JMJD1C: variants seen among roughly 807,000 people sequenced by gnomAD.
The protein encoded by JMJD1C is jumonji domain-containing protein 1C.
In JMJD1C, 31 loss-of-function variants were observed where a neutral mutation model predicts 245.3. That is an observed-to-expected ratio of 0.13 (90% confidence interval 0.09 to 0.17). The LOEUF is 0.17. Ranked by LOEUF, JMJD1C falls within the 10% of genes least tolerant of loss-of-function variation. The pLI is 1.00. For synonymous variants in JMJD1C, 1,057 were observed against 1,017.4 expected, an observed-to-expected ratio of 1.04 and a Z score of -0.74; for missense variants, 2,691 against 3,000.2, an observed-to-expected ratio of 0.90 and a Z score of 2.41.
chr10:63,513,950 C>T (rs1385270966), intron 1 of JMJD1C, among the ~76,000 whole-genome samples: 2 of 151,440 alleles, frequency 1.3e-5, no homozygotes, highest in Non-Finnish European at 2.9e-5. Flanking sequence ...AAAATAACCC[C>T]ATTTAAAAAT....
chr10:63,261,243 T>C (rs1316005685), intron 3 of JMJD1C, among the ~76,000 whole-genome samples: 1 of 152,112 alleles, frequency 6.6e-6, no homozygotes, highest in East Asian at 1.9e-4. Flanking sequence ...AACTATAATA[T>C]ATAATGATTG....
intron 2 of JMJD1C, among the ~76,000 whole-genome samples, chr10:63,290,842 A>G (rs984877072): frequency 2.0e-5 from 3 of 152,110 alleles, no homozygotes; most frequent in African/African-American, 4.8e-5. Flanking sequence ...CTTCATGAAG[A>G]AAGTAACGAC....
Position 63,207,067 on chromosome 10 carries a change from T to A in JMJD1C, c.4602A>T (p.Gly1534=), listed in dbSNP as rs1846716008. The A allele has an allele frequency of 7.4e-6, 12 of 1,614,228 alleles. No individual in the cohort carries two copies. Among genetic ancestry groups the A allele is most frequent in the Non-Finnish European group, 1.0e-5 (12 of 1,180,034 alleles). Reference sequence around the variant, plus strand: ...GACTTGTCTGGGAAGCTTGCCCATTTCCTACAGAGTTTGCTTTGTTAATTG... The same window carrying A: ...GACTTGTCTGGGAAGCTTGCCCATTACCTACAGAGTTTGCTTTGTTAATTG... ...CSTINKANSV[G]NGQASQTSQP... Residue 1534 remains glycine (G), a synonymous_variant, in exon 10 of 26, where the codon GGA becomes GGT. Transcript: ENST00000399262.
At chr10:63,390,358 A>G (rs1417027342) in intron 1 of JMJD1C, among the ~76,000 whole-genome samples, 1 of 152,142 alleles carries the variant, frequency 6.6e-6, no homozygotes, top group Non-Finnish European at 1.5e-5. Context: ...ACAAACTAAT[A>G]ACAAGTAATG....
chr10:63,176,241 TCAAAAC>T, intron 24 of JMJD1C, 50 bp downstream of exon 24: 2 of 1,371,290 alleles, frequency 1.5e-6, no homozygotes, highest in Admixed American at 2.3e-5. Flanking sequence ...AATTTTTTTT[TCAAAAC>T]TAGTTCTTTC....
chr10:63,338,838 G>GAACCC (rs1160838269), intron 2 of JMJD1C, among the ~76,000 whole-genome samples: 1 of 151,674 alleles, frequency 6.6e-6, no homozygotes, highest in Non-Finnish European at 1.5e-5. Flanking sequence ...AGTAGAGACA[G>GAACCC]GGTTTACTCC....
chr10:63,454,722 C>T (rs1038008973), intron 1 of JMJD1C, among the ~76,000 whole-genome samples: 1 of 152,208 alleles, frequency 6.6e-6, no homozygotes, highest in Non-Finnish European at 1.5e-5. Flanking sequence ...TGAGCTACTG[C>T]ACCTAGCCTG....
chr10:63,406,630 A>AT (rs1465235250), intron 1 of JMJD1C, among the ~76,000 whole-genome samples: 85 of 151,786 alleles, frequency 5.6e-4, no homozygotes, highest in South Asian at 3.1e-3. Flanking sequence ...CCAACACTAG[A>AT]TTTTTTTTTA....
At chr10:63,198,031 C>T (rs1457922669) in intron 12 of JMJD1C, among the ~76,000 whole-genome samples, 1 of 152,218 alleles carries the variant, frequency 6.6e-6, no homozygotes, top group Non-Finnish European at 1.5e-5. Flanking sequence ...AGAGCATCTA[C>T]TATGTTAGGA....
chr10:63,404,413 T>C (rs1000009011), intron 1 of JMJD1C, among the ~76,000 whole-genome samples: 1 of 152,158 alleles, frequency 6.6e-6, no homozygotes, highest in Non-Finnish European at 1.5e-5. Context: ...ATGCTAATTT[T>C]TTTTTCTTTT....
intron 24 of JMJD1C, 135 bp downstream of exon 24, chr10:63,176,161 TA>T: frequency 2.0e-6 from 1 of 510,568 alleles, no homozygotes; most frequent in Non-Finnish European, 3.4e-6. Flanking sequence ...GATGTCATTC[TA>T]ATAAAGGCAG....
At chr10:63,182,560 A>G (rs1843617544) in intron 22 of JMJD1C, among the ~76,000 whole-genome samples, 1 of 152,236 alleles carries the variant, frequency 6.6e-6, no homozygotes, top group African/African-American at 2.4e-5. Flanking sequence ...CGAGAAAGAA[A>G]AAATCATCTT....
At chr10:63,428,902 A>C (rs1950592775) in intron 1 of JMJD1C, among the ~76,000 whole-genome samples, 1 of 152,164 alleles carries the variant, frequency 6.6e-6, no homozygotes, top group South Asian at 2.1e-4. Flanking sequence ...TTATGTAGCT[A>C]CACAAAGAAC....
intron 1 of JMJD1C, among the ~76,000 whole-genome samples, chr10:63,395,045 C>G (rs577230784): frequency 5.3e-5 from 8 of 152,024 alleles, no homozygotes; most frequent in African/African-American, 1.9e-4. Context: ...AAAATATGGG[C>G]AAAAGATTTG....
intron 1 of JMJD1C, among the ~76,000 whole-genome samples, chr10:63,426,316 C>T (rs1319146739): frequency 6.6e-6 from 1 of 151,994 alleles, no homozygotes; most frequent in African/African-American, 2.4e-5. Context: ...CTATGAATAC[C>T]ACTGCACTTA....
intron 2 of JMJD1C, among the ~76,000 whole-genome samples, chr10:63,273,985 C>T (rs1038787474): frequency 1.3e-5 from 2 of 152,066 alleles, no homozygotes; most frequent in South Asian, 2.1e-4. Context: ...TCTTTATACA[C>T]GTGGAAGCCT....
At chr10:63,382,334 T>C (rs1015756766) in intron 1 of JMJD1C, among the ~76,000 whole-genome samples, 4 of 152,166 alleles carry the variant, frequency 2.6e-5, no homozygotes, top group African/African-American at 9.7e-5. Flanking sequence ...ATGTAAACAA[T>C]TGAGCTTGAC....
intron 1 of JMJD1C, among the ~76,000 whole-genome samples, chr10:63,421,358 TG>T (rs1392855560): frequency 6.6e-6 from 1 of 152,062 alleles, no homozygotes; most frequent in Non-Finnish European, 1.5e-5. Flanking sequence ...AAACTTAAGA[TG>T]GCAAAACTAT....
intron 2 of JMJD1C, among the ~76,000 whole-genome samples, chr10:63,334,369 AC>A (rs1459809859): frequency 6.6e-6 from 1 of 152,224 alleles, no homozygotes; most frequent in Non-Finnish European, 1.5e-5. Flanking sequence ...ATACTAATGA[AC>A]ACAGATGAAT....
Sources: allele counts gnomAD v4.1 joint callset (sites outside exome capture counted in the v4.1 genomes callset), GRCh38; gene constraint gnomAD v4.1.1; transcripts MANE v1.5; gene names NCBI Gene and HGNC (gene_info 2026-07-23, HGNC 2026-07-21).